Variants in ENTREP2 observed in about 807,000 individuals in gnomAD.
ENTREP2 encodes protein ENTREP2.
At chr15:29,577,349 T>TGTGTGTGTGTGTGTGA in the ENTREP2 span, among the ~76,000 whole-genome samples, 316 of 144,420 alleles carry the variant, frequency 2.2e-3, 2 homozygotes, top group African/African-American at 7.0e-3. Context: ...TGTGTGTGTG[T>TGTGTGTGTGTGTGTGA]GAGAGAGAGA....
chr15:29,631,176 T>C, the ENTREP2 span, among the ~76,000 whole-genome samples: 1 of 152,216 alleles, frequency 6.6e-6, no homozygotes, highest in African/African-American at 2.4e-5. Flanking sequence ...TTCAGGAGTA[T>C]TTGTAATTGC....
At chr15:29,654,847 C>T in the ENTREP2 span, among the ~76,000 whole-genome samples, 1 of 152,122 alleles carries the variant, frequency 6.6e-6, no homozygotes, top group Admixed American at 6.5e-5. Context: ...GCAGCTGGAT[C>T]AATGAGAGTT....
chr15:29,376,368 T>C, the ENTREP2 span: 68 of 152,212 alleles, frequency 4.5e-4, no homozygotes, highest in African/African-American at 1.5e-3. Flanking sequence ...TGATTTCTAA[T>C]TGGCATCCAG....
the ENTREP2 span, among the ~76,000 whole-genome samples, chr15:29,382,815 G>T: frequency 2.9e-4 from 44 of 152,070 alleles, no homozygotes; most frequent in Non-Finnish European, 5.9e-4. Flanking sequence ...AGGGCCAATG[G>T]ATCATGAAGA....
chr15:29,442,748 G>A, the ENTREP2 span, among the ~76,000 whole-genome samples: 1 of 152,188 alleles, frequency 6.6e-6, no homozygotes, highest in Non-Finnish European at 1.5e-5. Flanking sequence ...CCTCAGCGAT[G>A]GGGCTCTCGG....
chr15:29,233,192 A>G, the ENTREP2 span, among the ~76,000 whole-genome samples: 1 of 152,214 alleles, frequency 6.6e-6, no homozygotes, highest in African/African-American at 2.4e-5. Flanking sequence ...CTTCTGATTG[A>G]TAGCTTTTGA....
chr15:29,407,048 T>C, the ENTREP2 span, among the ~76,000 whole-genome samples: 1 of 152,194 alleles, frequency 6.6e-6, no homozygotes, highest in South Asian at 2.1e-4. Context: ...CACACATGAT[T>C]TAACAACGGA....
At chr15:29,338,481 C>A in the ENTREP2 span, among the ~76,000 whole-genome samples, 3 of 151,780 alleles carry the variant, frequency 2.0e-5, no homozygotes, top group Admixed American at 1.3e-4. Flanking sequence ...CAGATGGCCA[C>A]GTGGAGAGGT....
chr15:29,382,116 T>C, the ENTREP2 span, among the ~76,000 whole-genome samples: 2 of 151,986 alleles, frequency 1.3e-5, no homozygotes, highest in African/African-American at 4.8e-5. Flanking sequence ...TCGATGTGAT[T>C]TGGCTGTGCT....
the ENTREP2 span, among the ~76,000 whole-genome samples, chr15:29,659,233 G>A: frequency 6.6e-6 from 1 of 152,188 alleles, no homozygotes; most frequent in African/African-American, 2.4e-5. Context: ...CACTTTGGAA[G>A]GCTGAGGCTG....
chr15:29,454,374 T>C, the ENTREP2 span, among the ~76,000 whole-genome samples: 2 of 152,190 alleles, frequency 1.3e-5, no homozygotes, highest in African/African-American at 2.4e-5. Context: ...ACCAATTCTG[T>C]TGATGCTGTT....
the ENTREP2 span, chr15:29,234,280 T>C: frequency 6.2e-7 from 1 of 1,612,546 alleles, no homozygotes. Context: ...GTTCTCGTGC[T>C]GTATCATCTT....
At chr15:29,587,169 G>GTGTA in the ENTREP2 span, among the ~76,000 whole-genome samples, 516 of 141,382 alleles carry the variant, frequency 3.6e-3, 6 homozygotes, top group Middle Eastern at 7.2e-3. Context: ...GTGTGTGTGT[G>GTGTA]TGTGTGTGTG....
At chr15:29,163,683 C>T in the ENTREP2 span, among the ~76,000 whole-genome samples, 1 of 151,918 alleles carries the variant, frequency 6.6e-6, no homozygotes, top group Admixed American at 6.6e-5. Flanking sequence ...ATGACCAAAC[C>T]TAAGAATAAC....
chr15:29,414,270 G>A, the ENTREP2 span, among the ~76,000 whole-genome samples: 1 of 152,090 alleles, frequency 6.6e-6, no homozygotes, highest in Non-Finnish European at 1.5e-5. Flanking sequence ...CTCAGCAAAT[G>A]TAAAAGAACA....
At chr15:29,598,627 G>A in the ENTREP2 span, among the ~76,000 whole-genome samples, 1 of 152,188 alleles carries the variant, frequency 6.6e-6, no homozygotes, top group Admixed American at 6.5e-5. Flanking sequence ...ACTACTAAAT[G>A]TATGGTAACA....
At chr15:29,278,566 G>A in the ENTREP2 span, among the ~76,000 whole-genome samples, 1 of 152,198 alleles carries the variant, frequency 6.6e-6, no homozygotes, top group African/African-American at 2.4e-5. Flanking sequence ...CAAAAGGCAT[G>A]TAGACAGTGT....
the ENTREP2 span, among the ~76,000 whole-genome samples, chr15:29,625,184 A>C: frequency 6.6e-6 from 1 of 152,340 alleles, no homozygotes; most frequent in African/African-American, 2.4e-5. Context: ...CTTAATATCC[A>C]TCCAAGCTAC....
the ENTREP2 span, among the ~76,000 whole-genome samples, chr15:29,409,381 G>A: frequency 6.1e-5 from 9 of 148,562 alleles, no homozygotes; most frequent in South Asian, 1.5e-3. Flanking sequence ...TCGCTTTGTT[G>A]CCCAGGCAAT....
Sources: allele counts gnomAD v4.1 joint callset (sites outside exome capture counted in the v4.1 genomes callset), GRCh38; gene constraint gnomAD v4.1.1; transcripts MANE v1.5; gene names NCBI Gene and HGNC (gene_info 2026-07-23, HGNC 2026-07-21).